PTRH2: variants seen among roughly 807,000 people sequenced by gnomAD.
PTRH2 encodes peptidyl-tRNA hydrolase 2, mitochondrial.
PTRH2 carries 10 observed loss-of-function variants against 12.3 expected under a neutral mutation model. The observed-to-expected ratio is 0.81, with a 90% CI of 0.50 to 1.38. The LOEUF (loss-of-function observed/expected upper bound fraction) is 1.38, where lower values mean the gene tolerates loss of function less well. Ranked by LOEUF, PTRH2 falls within the 40% of genes most tolerant of loss-of-function variation. PTRH2 has a pLI of 0.00. For synonymous variants in PTRH2, 73 were observed against 77.4 expected (o/e 0.94, Z 0.30); for missense variants, 176 against 214.1 (o/e 0.82, Z 1.11).
In PTRH2 at chr17:59,703,036, A is replaced by C. The variant is rs544084692; in HGVS notation, c.-1+4335T>G. Among the ~76,000 whole-genome samples the C allele has an allele frequency of 2.6e-5, 4 of 152,200 alleles. No individual in the cohort carries two copies. In the South Asian group the frequency reaches 8.3e-4, roughly 32 times the overall value. ...CAACTTCTATTTCCTTTTCTAAGAG[A>C]CAGGGTTTCACTCTTTTGTCCAGGC... is the stretch of plus-strand genomic sequence containing the variant. On this transcript the variant is annotated intron_variant, in intron 1 of 1. Transcript: ENST00000393038.
intron 1 of PTRH2, among the ~76,000 whole-genome samples, chr17:59,703,410 A>G (rs992140040): frequency 1.1e-4 from 16 of 152,158 alleles, no homozygotes; most frequent in African/African-American, 3.9e-4. Context: ...TATAATTATG[A>G]TCCCCATTTT....
At chr17:59,700,246 G>C (rs775420330) in intron 1 of PTRH2, 1 of 152,102 alleles carries the variant, frequency 6.6e-6, no homozygotes, top group Non-Finnish European at 1.5e-5. Flanking sequence ...TTGCTACTTC[G>C]GCAAAGCTGT....
chr17:59,704,326 G>C (rs1371667896), intron 1 of PTRH2, among the ~76,000 whole-genome samples: 1 of 152,104 alleles, frequency 6.6e-6, no homozygotes, highest in African/African-American at 2.4e-5. Flanking sequence ...TGAAATACCA[G>C]GTTTGAATGG....
intron 1 of PTRH2, among the ~76,000 whole-genome samples, chr17:59,701,592 A>C (rs1194642015): frequency 6.6e-6 from 1 of 152,230 alleles, no homozygotes; most frequent in African/African-American, 2.4e-5. Context: ...GAGTGCACAA[A>C]GCAGAAAAAG....
chr17:59,704,788 G>C (rs34163587), intron 1 of PTRH2, among the ~76,000 whole-genome samples: 1 of 151,870 alleles, frequency 6.6e-6, no homozygotes, highest in Non-Finnish European at 1.5e-5. Flanking sequence ...CAAAGACAGA[G>C]AATTCTTTTT....
intron 1 of PTRH2, among the ~76,000 whole-genome samples, chr17:59,705,901 C>G (rs1478572281): frequency 6.6e-6 from 1 of 150,590 alleles, no homozygotes; most frequent in Non-Finnish European, 1.5e-5. Flanking sequence ...AATGCAAAAC[C>G]CTGTCTCCAA....
intron 1 of PTRH2, chr17:59,700,850 T>G (rs986594850): frequency 5.9e-5 from 9 of 152,138 alleles, no homozygotes; most frequent in African/African-American, 2.2e-4. Flanking sequence ...GTCCACGGAT[T>G]TGAAGGCAGG....
chr17:59,703,709 T>C (rs1382058721), intron 1 of PTRH2, among the ~76,000 whole-genome samples: 4 of 152,176 alleles, frequency 2.6e-5, no homozygotes, highest in African/African-American at 9.7e-5. Context: ...TTTCACCAGG[T>C]TGGCCAGGCT....
intron 1 of PTRH2, among the ~76,000 whole-genome samples, chr17:59,702,509 A>C (rs1598259837): frequency 6.6e-6 from 1 of 152,020 alleles, no homozygotes; most frequent in Non-Finnish European, 1.5e-5. Flanking sequence ...CCCACCACTC[A>C]CCTCCTGCTG....
intron 1 of PTRH2, among the ~76,000 whole-genome samples, chr17:59,704,603 G>C (rs929000366): frequency 4.8e-4 from 73 of 152,254 alleles, no homozygotes; most frequent in African/African-American, 1.6e-3. Flanking sequence ...ATGAACATTA[G>C]GAATCAAAGG....
intron 1 of PTRH2, among the ~76,000 whole-genome samples, chr17:59,703,799 C>A (rs1044876570): frequency 1.3e-5 from 2 of 150,944 alleles, no homozygotes; most frequent in African/African-American, 4.9e-5. Context: ...AGCCACCATG[C>A]CCTGCCGAGC....
chr17:59,702,783 T>C (rs1157329376), intron 1 of PTRH2, among the ~76,000 whole-genome samples: 1 of 152,228 alleles, frequency 6.6e-6, no homozygotes, highest in Non-Finnish European at 1.5e-5. Context: ...GGCTTTACAA[T>C]GGTTCAAAAG....
chr17:59,697,817 A>G lies in PTRH2; in HGVS notation c.162T>C (p.Ser54=). 1.2e-6 allele frequency: 2 copies of G among 1,614,136 alleles called. No homozygotes were observed. The highest frequency in any genetic ancestry group is 1.1e-5 in the South Asian group (1 of 91,084). The stretch of plus-strand genomic sequence containing the variant: ...CGCTGTCTCCCAAGATGCTTGCTTC[A>G]CTTTCAGTATCTGTGTGTGTCTTGC... ...KTSKTHTDTE[S]EASILGDSGE... The change falls in exon 2 of 2, where the codon AGT becomes AGC. Residue 54 remains serine (S), a synonymous_variant. Transcript: ENST00000393038.
At chr17:59,705,597 A>T (rs1263129349) in intron 1 of PTRH2, among the ~76,000 whole-genome samples, 1 of 152,002 alleles carries the variant, frequency 6.6e-6, no homozygotes, top group Non-Finnish European at 1.5e-5. Context: ...TTTTTTAAAA[A>T]TTTTTTATTT....
chr17:59,702,448 A>G (rs2033570494), intron 1 of PTRH2, among the ~76,000 whole-genome samples: 1 of 152,156 alleles, frequency 6.6e-6, no homozygotes, highest in Non-Finnish European at 1.5e-5. Context: ...TCAGGAGGTA[A>G]TGTTAGCGAT....
chr17:59,706,110 T>C (rs1286385748), intron 1 of PTRH2, among the ~76,000 whole-genome samples: 1 of 152,224 alleles, frequency 6.6e-6, no homozygotes, highest in Non-Finnish European at 1.5e-5. Flanking sequence ...TAAAACAACA[T>C]GTCTGTCTCT....
At chr17:59,698,126 TC>T in intron 1 of PTRH2, 148 bp from the exon 2 acceptor site, 1 of 736,462 alleles carries the variant, frequency 1.4e-6, no homozygotes, top group Admixed American at 2.9e-5. Context: ...GCACCCTGTT[TC>T]CAACACCCTC....
At chr17:59,703,915 C>T (rs1056945515) in intron 1 of PTRH2, among the ~76,000 whole-genome samples, 1 of 152,008 alleles carries the variant, frequency 6.6e-6, no homozygotes, top group Non-Finnish European at 1.5e-5. Context: ...TCAAGTGCTT[C>T]TCCTGCCTCA....
At chr17:59,698,416 T>C (rs1189845418) in intron 1 of PTRH2, 1 of 217,320 alleles carries the variant, frequency 4.6e-6, no homozygotes, top group African/African-American at 2.3e-5. Flanking sequence ...AGAACCTCAC[T>C]GTCACATTAA....
Sources: gnomAD v4.1 joint callset for allele counts (sites outside exome capture counted in the v4.1 genomes callset) on GRCh38, gnomAD v4.1.1 for gene constraint, MANE v1.5 for transcripts, NCBI Gene and HGNC (gene_info 2026-07-23, HGNC 2026-07-21) for gene names.